Variants in RPL10 observed in about 807,000 individuals in gnomAD.
RPL10 encodes ribosomal protein L10.
Under a neutral mutation model 15.7 loss-of-function variants are expected in RPL10, and 1 was observed. The ratio of observed to expected loss-of-function variants is 0.06; its 90% CI spans 0.02 to 0.30. The LOEUF (loss-of-function observed/expected upper bound fraction) is 0.30, where lower values mean the gene tolerates loss of function less well. Among genes scored for constraint, RPL10 ranks in the 10% least tolerant of loss-of-function variants. The pLI is 1.00. For synonymous variants in RPL10, 59 were observed against 64.0 expected (o/e 0.92, Z 0.37); for missense variants, 54 against 183.4 (o/e 0.29, Z 4.08).
At position 154,398,403 on chromosome X, in the gene RPL10, G is replaced by A. The variant is rs782023995; in HGVS notation, c.-24+9G>A. On this transcript the variant is annotated intron_variant, in intron 1 of 6. Transcript: ENST00000369817. Reference sequence around the variant, plus strand: ...TCTTTCCCTTCGGTGTGGTGAGTAAGCGCAGTTGTCGTCTCTTGCGGTGCC... The same window carrying A: ...TCTTTCCCTTCGGTGTGGTGAGTAAACGCAGTTGTCGTCTCTTGCGGTGCC... 2.1e-5 allele frequency: 19 copies of A among 924,995 alleles called. No individual in the cohort carries two copies. Among genetic ancestry groups the A allele is most frequent in the South Asian group, 7.8e-5 (4 of 51,303 alleles). The allele number at this position is 924,995 out of a possible 1,213,427, so 76.2% of individuals were successfully genotyped here. A position where few individuals can be genotyped will look rare whatever the true frequency, so the allele number is the denominator to read the frequency against.
Position 154,400,831 on chromosome X carries a change from A to C in RPL10, c.622A>C (p.Lys208Gln). 4 of 1,211,478 alleles carry C rather than the reference A, an allele frequency of 3.3e-6. No individual in the cohort carries two copies. Among genetic ancestry groups the C allele is most frequent in the Non-Finnish European group, 4.5e-6 (4 of 895,401 alleles). ...CATCCCCAGTCGTGGCCCTCTGGAC[A>C]AGTGGCGGGCCCTGCACTCATGAGG... ...KYIPSRGPLD[K>Q]WRALHS The change falls in exon 7 of 7, where the codon AAG becomes CAG. Residue 208 changes from lysine to glutamine, a missense_variant. Physicochemically the swap from Lys to Gln is moderately conservative, Grantham distance 53. Around this residue, in one of 3 missense-constraint regions of RPL10, gnomAD observed 32 missense variants for 76.0 expected, o/e 0.42. Transcript: ENST00000369817.
At position 154,401,129 on chromosome X, in the gene RPL10, C is replaced by T; in HGVS notation, c.*275C>T. On this transcript the variant is annotated 3_prime_UTR_variant, in exon 7 of 7. Coordinates refer to ENST00000369817, the MANE Select transcript of RPL10 (RefSeq NM_006013.5). ...GTCCTAGGCAGTAGGTTGAAAAACA[C>T]TGAAGTGCTTTTCATGAAGCACAGC... 1.6e-6 allele frequency: 1 copy of T among 611,605 alleles called. No homozygotes were observed. The highest frequency in any genetic ancestry group is 2.4e-6 in the Non-Finnish European group (1 of 421,583). The allele number at this position is 611,605 out of a possible 1,213,427, so 50.4% of individuals were successfully genotyped here. A position where few individuals can be genotyped will look rare whatever the true frequency, so the allele number is the denominator to read the frequency against.
intron 2 of RPL10, chrX:154,398,926 AG>A: frequency 2.8e-6 from 1 of 358,301 alleles, no homozygotes; most frequent in Admixed American, 4.7e-5. Context: ...TGTGTCCTAC[AG>A]GGGGCGCCAG....
intron 2 of RPL10, 142 bp from the exon 3 acceptor site, chrX:154,399,196 C>T: frequency 1.6e-6 from 1 of 608,744 alleles, no homozygotes; most frequent in Non-Finnish European, 2.8e-6. Context: ...TAGTTTATTT[C>T]CCCGAATGGA....
chrX:154,401,074 T>A lies in RPL10; in HGVS notation c.*220T>A, dbSNP rs1301919065. The A allele has an allele frequency of 9.6e-7, 1 of 1,044,292 alleles. No homozygotes were observed. Among genetic ancestry groups the A allele is most frequent in the African/African-American group, 1.9e-5 (1 of 53,023 alleles). 86.1% of individuals were successfully genotyped at this position (1,044,292 alleles called of 1,213,427 possible). On this transcript the variant is annotated 3_prime_UTR_variant, in exon 7 of 7. Coordinates refer to ENST00000369817, the MANE Select transcript of RPL10 (RefSeq NM_006013.5). The stretch of plus-strand genomic sequence containing the variant: ...GACTGGTGGCCTTATGTCAGTTGTC[T>A]ACTCTGGAGCTTGACTTGGACCTCC...
intron 2 of RPL10, chrX:154,398,805 G>A (rs2067963369): frequency 1.9e-5 from 8 of 432,430 alleles, no homozygotes; most frequent in Non-Finnish European, 3.3e-5. Context: ...TCGGGCGCTA[G>A]ATACGCTCTT....
intron 2 of RPL10, 91 bp downstream of exon 2, chrX:154,398,633 T>C: frequency 1.8e-6 from 2 of 1,096,893 alleles, no homozygotes; most frequent in Non-Finnish European, 2.5e-6. Flanking sequence ...GGGTGGAGCC[T>C]CCCCCGTGCG....
Position 154,399,386 on chromosome X carries a change from A to C in RPL10, c.72A>C (p.Arg24=), listed in dbSNP as rs2067976949. ...NKPYPKSRFC[R]GVPDAKIRIF... ...CGTACCCAAAGTCTCGCTTCTGCCG[A>C]GGTGTCCCTGGTAAGTAGTGGAAGA... The change falls in exon 3 of 7, where the codon CGA becomes CGC. Residue 24 remains arginine (R), a synonymous_variant. Coordinates refer to ENST00000369817, the MANE Select transcript of RPL10 (RefSeq NM_006013.5). 8.3e-7 allele frequency: 1 copy of C among 1,209,984 alleles called. No homozygotes were observed. The highest frequency in any genetic ancestry group is 1.8e-5 in the African/African-American group (1 of 57,121).
chrX:154,401,888 CCCAG>C lies in RPL10; in HGVS notation c.*1039_*1042del, dbSNP rs2068046873. Reference sequence around the variant, plus strand: ...AGTTAACACATGACCCTTCTAGCGTCCCAGCCAGTGTTTTTCCTGACCTCTCTTC... The same window carrying C: ...AGTTAACACATGACCCTTCTAGCGTCCCAGTGTTTTTCCTGACCTCTCTTC... On this transcript the variant is annotated 3_prime_UTR_variant, in exon 7 of 7. Transcript: ENST00000369817. The C allele has an allele frequency of 8.9e-6, 1 of 112,055 alleles. No individual in the cohort carries two copies. The highest frequency in any genetic ancestry group is 1.9e-5 in the Non-Finnish European group (1 of 53,207). 9.2% of individuals were successfully genotyped at this position (112,055 alleles called of 1,213,427 possible).
chrX:154,401,969 T>C lies in RPL10; in HGVS notation c.*1115T>C, dbSNP rs1452960462. On this transcript the variant is annotated 3_prime_UTR_variant, in exon 7 of 7. Transcript: ENST00000369817. The stretch of plus-strand genomic sequence containing the variant: ...GTCCGGCATGCTGCTGGCATTTTGC[T>C]GTGTCCTGCAGCCCCTTTCCGGGAC... The C allele has an allele frequency of 1.8e-5, 2 of 111,886 alleles. No individual in the cohort carries two copies. Among genetic ancestry groups the C allele is most frequent in the South Asian group, 3.7e-4 (1 of 2,684 alleles). 9.2% of individuals were successfully genotyped at this position (111,886 alleles called of 1,213,427 possible). A position where few individuals can be genotyped will look rare whatever the true frequency, so the allele number is the denominator to read the frequency against.
intron 2 of RPL10, chrX:154,398,758 C>T: frequency 2.1e-6 from 1 of 467,616 alleles, no homozygotes; most frequent in Non-Finnish European, 3.8e-6. Context: ...ACGGTTCCCT[C>T]GTATCTCTGC....
intron 2 of RPL10, chrX:154,398,779 C>G: frequency 4.5e-6 from 2 of 448,664 alleles, no homozygotes; most frequent in Non-Finnish European, 7.9e-6. Flanking sequence ...CTGTGTCCTG[C>G]AAGCTCACCG....
Position 154,400,507 on chromosome X carries a change from A to G in RPL10, c.373A>G (p.Thr125Ala). The G allele has an allele frequency of 8.3e-7, 1 of 1,205,778 alleles. No individual in the cohort carries two copies. The highest frequency in any genetic ancestry group is 1.1e-6 in the Non-Finnish European group (1 of 895,127). The change falls in exon 6 of 7, where the codon ACT becomes GCT. Residue 125 changes from threonine to alanine, a missense_variant. Thr to Ala is a moderately conservative substitution (Grantham distance 58). Around this residue, in one of 3 missense-constraint regions of RPL10, gnomAD observed 32 missense variants for 76.0 expected, o/e 0.42. Coordinates refer to ENST00000369817, the MANE Select transcript of RPL10 (RefSeq NM_006013.5). ...MRGAFGKPQG[T>A]VARVHIGQVI... ...AGGTGCCTTTGGAAAGCCCCAGGGC[A>G]CTGTGGCCAGGGTTCACATTGGCCA...
chrX:154,398,649 C>A, intron 2 of RPL10, 107 bp downstream of exon 2: 1 of 1,012,134 alleles, frequency 9.9e-7, no homozygotes, highest in Non-Finnish European at 1.4e-6. Flanking sequence ...GTGCGGCGGC[C>A]CTGTCTTGGG....
rs375457261 is a variant in RPL10, at chrX:154,400,756, G to C, written c.547G>C (p.Asp183His). The change falls in exon 7 of 7, where the codon GAC (aspartate) becomes CAC (histidine). Residue 183 changes from aspartate to histidine, a missense_variant. Coordinates refer to ENST00000369817, the MANE Select transcript of RPL10 (RefSeq NM_006013.5). ...CAAGTTCAATGCTGATGAATTTGAAGACATGGTGGCTGAAAAGCGGCTCAT... is the reference window on the plus strand; with the variant it reads ...CAAGTTCAATGCTGATGAATTTGAACACATGGTGGCTGAAAAGCGGCTCAT... ...FTKFNADEFE[D>H]MVAEKRLIPD... is the part of the protein sequence containing the mutation. 1.7e-6 allele frequency: 2 copies of C among 1,211,707 alleles called. No individual in the cohort carries two copies. Among genetic ancestry groups the C allele is most frequent in the Non-Finnish European group, 2.2e-6 (2 of 895,558 alleles).
rs782521991 is a variant in RPL10 at position 154,400,848 on chromosome X, C to G, written c.639C>G (p.His213Gln). The G allele has an allele frequency of 8.3e-5, 101 of 1,209,747 alleles. No homozygotes were observed. Among genetic ancestry groups the G allele is most frequent in the Non-Finnish European group, 1.1e-4 (100 of 895,007 alleles). ...RGPLDKWRAL[H>Q]S is the part of the protein sequence containing the mutation. ...CTCTGGACAAGTGGCGGGCCCTGCA[C>G]TCATGAGGGCTTCCAATGTGCTGCC... is the stretch of plus-strand genomic sequence containing the variant. The change falls in exon 7 of 7, where the codon CAC (histidine) becomes CAG (glutamine). Residue 213 changes from histidine to glutamine, a missense_variant. Physicochemically the swap from His to Gln is conservative, Grantham distance 24 (BLOSUM62 0). Coordinates refer to ENST00000369817, the MANE Select transcript of RPL10 (RefSeq NM_006013.5).
chrX:154,399,188 GTTTA>G (rs2067970698), intron 2 of RPL10, 146 bp from the exon 3 acceptor site: 2 of 590,484 alleles, frequency 3.4e-6, no homozygotes, highest in Non-Finnish European at 5.9e-6. Context: ...TTGCTTTGTA[GTTTA>G]TTTCCCCGAA....
At position 154,400,735 on chromosome X, in the gene RPL10, T is replaced by C; in HGVS notation, c.526T>C (p.Phe176Leu). 8.3e-7 allele frequency: 1 copy of C among 1,211,666 alleles called. No individual in the cohort carries two copies. The highest frequency in any genetic ancestry group is 1.1e-6 in the Non-Finnish European group (1 of 895,503). ...HISKKWGFTKFNADEFEDMVA... is the reference protein window; with the variant it reads ...HISKKWGFTKLNADEFEDMVA... ...CTCAAAGAAGTGGGGCTTCACCAAG[T>C]TCAATGCTGATGAATTTGAAGACAT... Residue 176 changes from phenylalanine to leucine, a missense_variant, in exon 7 of 7, where the codon TTC becomes CTC. Around this residue, in one of 3 missense-constraint regions of RPL10, gnomAD observed 32 missense variants for 76.0 expected, o/e 0.42. Transcript: ENST00000369817.
At position 154,399,510 on chromosome X, in the gene RPL10, C is replaced by T. The variant is rs1557185307; in HGVS notation, c.106C>T (p.Leu36=). 7.4e-6 allele frequency: 9 copies of T among 1,210,192 alleles called. No individual in the cohort carries two copies. The highest frequency in any genetic ancestry group is 1.0e-5 in the Non-Finnish European group (9 of 895,241). The change falls in exon 4 of 7, where the codon CTG becomes TTG. Residue 36 remains leucine, a synonymous_variant. Coordinates refer to ENST00000369817, the MANE Select transcript of RPL10 (RefSeq NM_006013.5). ...AGATGCCAAGATTCGCATTTTTGAC[C>T]TGGGGCGGAAAAAGGCAAAAGTGGA... is the stretch of plus-strand genomic sequence containing the variant. The part of the protein sequence containing the change: ...VPDAKIRIFD[L]GRKKAKVDEF...
Sources: gnomAD v4.1 joint callset for allele counts on GRCh38, gnomAD v4.1.1 for gene constraint, gnomAD v4.1.1 regional missense constraint, MANE v1.5 for transcripts, NCBI Gene and HGNC (gene_info 2026-07-23, HGNC 2026-07-21) for gene names.